DGKI: variants seen among roughly 807,000 people sequenced by gnomAD.
DGKI encodes the protein DAG kinase iota.
Under a neutral mutation model 147.5 loss-of-function variants are expected in DGKI, and 55 were observed. The ratio of observed to expected loss-of-function variants is 0.37; its 90% CI spans 0.30 to 0.47. The LOEUF is 0.47. DGKI is among the 20% of genes least tolerant of loss of function. The pLI is 1.00. For missense variants in DGKI, 1,007 were observed against 1,323.8 expected (o/e 0.76, Z 3.71); for synonymous variants, 469 against 477.1 (o/e 0.98, Z 0.22).
At chr7:137,776,116 C>T (rs1471693716) in intron 1 of DGKI, among the ~76,000 whole-genome samples, 1 of 152,086 alleles carries the variant, frequency 6.6e-6, no homozygotes, top group Non-Finnish European at 1.5e-5. Flanking sequence ...CCTTGGCCTC[C>T]CAAAGTGCTA....
chr7:137,489,899 T>C (rs1032169078), intron 21 of DGKI, among the ~76,000 whole-genome samples: 19 of 152,288 alleles, frequency 1.2e-4, no homozygotes, highest in Middle Eastern at 3.4e-3. Context: ...ATAAATTCAA[T>C]GTACTTCATA....
chr7:137,713,749 C>T (rs545409608), intron 1 of DGKI, among the ~76,000 whole-genome samples: 13 of 152,122 alleles, frequency 8.5e-5, no homozygotes, highest in Non-Finnish European at 1.3e-4. Flanking sequence ...TCAAGCAATG[C>T]TCCCACCTCG....
intron 20 of DGKI, among the ~76,000 whole-genome samples, chr7:137,530,472 T>G (rs1158477492): frequency 6.6e-6 from 1 of 152,190 alleles, no homozygotes; most frequent in Non-Finnish European, 1.5e-5. Flanking sequence ...TTCATCACAC[T>G]GCACACTGTT....
intron 1 of DGKI, among the ~76,000 whole-genome samples, chr7:137,727,931 T>G (rs1461856778): frequency 6.6e-6 from 1 of 152,078 alleles, no homozygotes; most frequent in East Asian, 1.9e-4. Context: ...ACAAAGAAAG[T>G]GGAACCAGCT....
intron 1 of DGKI, among the ~76,000 whole-genome samples, chr7:137,715,935 G>A (rs565532260): frequency 4.6e-5 from 7 of 152,298 alleles, no homozygotes; most frequent in Admixed American, 2.0e-4. Flanking sequence ...AAAGCAGAGC[G>A]AAGCCCCAGG....
At chr7:137,639,683 G>C (rs1446192085) in intron 6 of DGKI, among the ~76,000 whole-genome samples, 1 of 152,106 alleles carries the variant, frequency 6.6e-6, no homozygotes, top group African/African-American at 2.4e-5. Flanking sequence ...AAAGAACAAA[G>C]GGCCCCAGGG....
At chr7:137,491,267 C>G (rs1426811430) in intron 21 of DGKI, among the ~76,000 whole-genome samples, 1 of 152,150 alleles carries the variant, frequency 6.6e-6, no homozygotes, top group Non-Finnish European at 1.5e-5. Flanking sequence ...TGGAAAGGCA[C>G]AGTTACCTTA....
At chr7:137,496,390 C>A (rs1226704444) in intron 21 of DGKI, among the ~76,000 whole-genome samples, 1 of 151,944 alleles carries the variant, frequency 6.6e-6, no homozygotes, top group Non-Finnish European at 1.5e-5. Flanking sequence ...CCTCCCAAAG[C>A]AATTTACAGA....
chr7:137,721,573 C>A (rs1794559265), intron 1 of DGKI, among the ~76,000 whole-genome samples: 1 of 152,204 alleles, frequency 6.6e-6, no homozygotes, highest in Admixed American at 6.5e-5. Flanking sequence ...TCTCCCTGCC[C>A]TCCACCTGCT....
chr7:137,786,135 G>A (rs1458809948), intron 1 of DGKI, among the ~76,000 whole-genome samples: 1 of 152,122 alleles, frequency 6.6e-6, no homozygotes, highest in Non-Finnish European at 1.5e-5. Flanking sequence ...AATCAGGCAA[G>A]AGAAAGAAAT....
At chr7:137,779,752 C>A (rs1421834551) in intron 1 of DGKI, among the ~76,000 whole-genome samples, 2 of 152,094 alleles carry the variant, frequency 1.3e-5, no homozygotes, top group Non-Finnish European at 2.9e-5. Context: ...AAAATAAAGT[C>A]TATAAATTCG....
At chr7:137,413,321 G>A (rs891558337) in intron 28 of DGKI, among the ~76,000 whole-genome samples, 2 of 151,484 alleles carry the variant, frequency 1.3e-5, no homozygotes, top group African/African-American at 4.9e-5. Flanking sequence ...GGATGCATGT[G>A]CAGGTTTGTT....
chr7:137,460,774 A>G (rs1814407866), intron 27 of DGKI, among the ~76,000 whole-genome samples: 1 of 152,172 alleles, frequency 6.6e-6, no homozygotes, highest in Non-Finnish European at 1.5e-5. Flanking sequence ...CCATAAAACA[A>G]TATTTTTTAC....
At chr7:137,568,368 C>A (rs1017695900) in intron 19 of DGKI, among the ~76,000 whole-genome samples, 1 of 152,194 alleles carries the variant, frequency 6.6e-6, no homozygotes, top group Admixed American at 6.5e-5. Context: ...AACTGCATGC[C>A]ACAGGCTCCC....
chr7:137,775,846 A>C (rs1471227298), intron 1 of DGKI, among the ~76,000 whole-genome samples: 2 of 152,196 alleles, frequency 1.3e-5, no homozygotes, highest in Non-Finnish European at 2.9e-5. Context: ...GAAAGATGTC[A>C]AAAGTATATT....
chr7:137,503,939 A>G (rs1044770615), intron 21 of DGKI, among the ~76,000 whole-genome samples: 2 of 152,316 alleles, frequency 1.3e-5, no homozygotes, highest in Middle Eastern at 3.4e-3. Flanking sequence ...ACTATATGTG[A>G]GAACATTTTA....
At chr7:137,810,970 G>A (rs956831237) in intron 1 of DGKI, among the ~76,000 whole-genome samples, 3 of 152,150 alleles carry the variant, frequency 2.0e-5, no homozygotes, top group Non-Finnish European at 4.4e-5. Flanking sequence ...TACATTCTAC[G>A]TATGTACTCA....
chr7:137,779,478 TAA>T (rs1796455021), intron 1 of DGKI, among the ~76,000 whole-genome samples: 1 of 152,154 alleles, frequency 6.6e-6, no homozygotes, highest in East Asian at 1.9e-4. Flanking sequence ...TTTTAAAAAT[TAA>T]AAGTTTTTGC....
chr7:137,538,589 C>T (rs1347907628), intron 20 of DGKI, among the ~76,000 whole-genome samples: 1 of 152,170 alleles, frequency 6.6e-6, no homozygotes, highest in Non-Finnish European at 1.5e-5. Flanking sequence ...TCAAAATACA[C>T]TGGTGTCTCT....
Sources: allele counts gnomAD v4.1 joint callset (sites outside exome capture counted in the v4.1 genomes callset), GRCh38; gene constraint gnomAD v4.1.1; transcripts MANE v1.5; gene names NCBI Gene and HGNC (gene_info 2026-07-23, HGNC 2026-07-21).